Variants in PCDHA6 observed in about 807,000 individuals in gnomAD.
PCDHA6 encodes protocadherin alpha-6.
A neutral mutation model predicts 60.3 loss-of-function variants in PCDHA6; 55 were observed. The ratio of observed to expected loss-of-function variants is 0.91; its 90% CI spans 0.73 to 1.14. PCDHA6 has a LOEUF of 1.14. Among genes scored for constraint, PCDHA6 ranks in the 50% most tolerant of loss-of-function variants. PCDHA6 has a pLI of 0.00. For synonymous variants in PCDHA6, 652 were observed against 557.9 expected, an observed-to-expected ratio of 1.17 and a Z score of -2.38; for missense variants, 1,327 against 1,256.5, an observed-to-expected ratio of 1.06 and a Z score of -0.85.
At chr5:140,954,947 T>G (rs2153704420) in intron 1 of PCDHA6, among the ~76,000 whole-genome samples, 1 of 152,360 alleles carries the variant, frequency 6.6e-6, no homozygotes, top group South Asian at 2.1e-4. Flanking sequence ...AGTTAATTTT[T>G]GTATAAGATG....
rs541123870 is a variant in PCDHA6 at position 140,857,278 on chromosome 5, C to T, written c.2394+26793C>T. 4.4e-6 allele frequency: 7 copies of T among 1,598,684 alleles called. No individual in the cohort carries two copies. The South Asian group carries it at 7.7e-5, about 18-fold the overall frequency. On this transcript the variant is annotated intron_variant, in intron 1 of 3. Coordinates refer to ENST00000529310, the MANE Select transcript of PCDHA6 (RefSeq NM_018909.4). ...ATTACTACTCATTGGTGCTGGACAG[C>T]GCTCTGGACCGCGAGAGGGTGTCGG...
rs1554178111 is a variant in PCDHA6 at position 140,883,417 on chromosome 5, A to G, written c.2394+52932A>G. On this transcript the variant is annotated intron_variant, in intron 1 of 3. Transcript: ENST00000529310. Reference sequence around the variant, plus strand: ...CCGATCGTGACTCTGGCTCAAATGGACAGGTCACCTGCACCTTGACGCCGC... The same window carrying G: ...CCGATCGTGACTCTGGCTCAAATGGGCAGGTCACCTGCACCTTGACGCCGC... 3.1e-6 allele frequency: 5 copies of G among 1,614,146 alleles called. No homozygotes were observed. The South Asian group carries it at 5.5e-5, about 18-fold the overall frequency.
At chr5:141,007,149 T>G (rs980574316) in intron 3 of PCDHA6, among the ~76,000 whole-genome samples, 12 of 152,084 alleles carry the variant, frequency 7.9e-5, no homozygotes, top group African/African-American at 2.9e-4. Context: ...CAAAGGAAAC[T>G]GTCAAAGAAC....
intron 1 of PCDHA6, chr5:140,871,673 C>A: frequency 8.7e-7 from 1 of 1,142,932 alleles, no homozygotes; most frequent in Non-Finnish European, 1.2e-6. Flanking sequence ...GTCTTTTAAT[C>A]ATATGAATAA....
At position 140,972,838 on chromosome 5, in the gene PCDHA6, A is replaced by G. The variant is rs181315236; in HGVS notation, c.2395-6111A>G. Among the ~76,000 whole-genome samples the G allele has an allele frequency of 2.0e-4, 30 of 151,814 alleles. No individual in the cohort carries two copies. In the East Asian group the frequency reaches 5.8e-3, roughly 30 times the overall value. The stretch of plus-strand genomic sequence containing the variant: ...GCCACCACGCCTGGCTAATTTTTGT[A>G]TTTTTAGTAGAGATGGGGTTTCATC... On this transcript the variant is annotated intron_variant, in intron 1 of 3. Transcript: ENST00000529310.
intron 1 of PCDHA6, among the ~76,000 whole-genome samples, chr5:140,840,978 T>C (rs1453461465): frequency 6.6e-6 from 1 of 152,022 alleles, no homozygotes; most frequent in African/African-American, 2.4e-5. Context: ...GAAGAAGAAA[T>C]CCCTAGCTGA....
intron 1 of PCDHA6, chr5:140,967,711 G>C (rs557842321): frequency 6.2e-7 from 1 of 1,614,168 alleles, no homozygotes; most frequent in East Asian, 2.2e-5. Context: ...CCAGTACCGG[G>C]GAAGTGCGAG....
At position 140,982,572 on chromosome 5, in the gene PCDHA6, C is replaced by G. The variant is rs782271002; in HGVS notation, c.2542+9C>G. 1 of 1,613,760 alleles carries G rather than the reference C, an allele frequency of 6.2e-7. No homozygotes were observed. Among genetic ancestry groups the G allele is most frequent in the Non-Finnish European group, 8.5e-7 (1 of 1,179,726 alleles). On this transcript the variant is annotated intron_variant, in intron 3 of 3. Transcript: ENST00000529310. ...ATCCAGTGCAACACCAGGTAAAGAGCTGGGGTCTCTCCATTCTTTCTTGGT... is the reference window on the plus strand; with the variant it reads ...ATCCAGTGCAACACCAGGTAAAGAGGTGGGGTCTCTCCATTCTTTCTTGGT...
intron 1 of PCDHA6, among the ~76,000 whole-genome samples, chr5:140,846,666 G>A (rs1419138961): frequency 6.7e-6 from 1 of 149,080 alleles, no homozygotes; most frequent in Non-Finnish European, 1.5e-5. Flanking sequence ...GAGCCACCGC[G>A]CCCAGCCTAA....
At chr5:140,941,214 C>CTTTCTTTCTTTCTTTTT (rs1554214039) in intron 1 of PCDHA6, among the ~76,000 whole-genome samples, 1 of 122,414 alleles carries the variant, frequency 8.2e-6, no homozygotes, top group East Asian at 2.3e-4. Context: ...TTTCTTTCTT[C>CTTTCTTTCTTTCTTTTT]CTTTCTTTCT....
At chr5:140,864,300 T>C (rs889692315) in intron 1 of PCDHA6, 9 of 152,214 alleles carry the variant, frequency 5.9e-5, no homozygotes, top group Non-Finnish European at 1.2e-4. Flanking sequence ...TATTCAAAAA[T>C]ACCATGACAA....
At chr5:140,912,882 T>A (rs2153523481) in intron 1 of PCDHA6, among the ~76,000 whole-genome samples, 1 of 152,362 alleles carries the variant, frequency 6.6e-6, no homozygotes, top group South Asian at 2.1e-4. Context: ...TTGGTCTTCA[T>A]TCTGTTGATA....
At chr5:140,869,760 A>G in intron 1 of PCDHA6, 1 of 1,613,206 alleles carries the variant, frequency 6.2e-7, no homozygotes, top group Non-Finnish European at 8.5e-7. Flanking sequence ...ACGGGGGAAA[A>G]CCAGAGCTTA....
At chr5:140,870,383 G>A (rs2051950706) in intron 1 of PCDHA6, 20 of 1,614,242 alleles carry the variant, frequency 1.2e-5, no homozygotes, top group Non-Finnish European at 1.7e-5. Flanking sequence ...GTGACTGCGC[G>A]GGATGGGGGT....
At chr5:140,946,976 G>A (rs2094064804) in intron 1 of PCDHA6, among the ~76,000 whole-genome samples, 1 of 151,532 alleles carries the variant, frequency 6.6e-6, no homozygotes, top group Admixed American at 6.6e-5. Context: ...ATAGAATAGA[G>A]GATTTTGAGT....
At chr5:140,939,960 T>G (rs1216904868) in intron 1 of PCDHA6, among the ~76,000 whole-genome samples, 2 of 152,258 alleles carry the variant, frequency 1.3e-5, no homozygotes, top group African/African-American at 2.4e-5. Context: ...TATGTTAAAG[T>G]GTTCCACGAT....
intron 1 of PCDHA6, chr5:140,841,882 T>C (rs2150324666): frequency 1.2e-6 from 2 of 1,613,800 alleles, no homozygotes; most frequent in East Asian, 4.5e-5. Context: ...CAAAGAACGA[T>C]GAGAATAAAC....
At chr5:140,975,056 A>G (rs1006106436) in intron 1 of PCDHA6, among the ~76,000 whole-genome samples, 3 of 152,154 alleles carry the variant, frequency 2.0e-5, no homozygotes, top group Non-Finnish European at 4.4e-5. Flanking sequence ...AGAATCTACT[A>G]TCGAGCTCAT....
chr5:140,969,325 A>G (rs1490022353), intron 1 of PCDHA6: 1 of 1,614,000 alleles, frequency 6.2e-7, no homozygotes, highest in Non-Finnish European at 8.5e-7. Context: ...CTGTTTCTCA[A>G]AATGAGGTGA....
Sources: allele counts gnomAD v4.1 joint callset (sites outside exome capture counted in the v4.1 genomes callset), GRCh38; gene constraint gnomAD v4.1.1; transcripts MANE v1.5; gene names NCBI Gene and HGNC (gene_info 2026-07-23, HGNC 2026-07-21).